Variants in EPHA6 observed in about 807,000 individuals in gnomAD.
EPHA6 encodes the protein ephrin type-A receptor 6.
In EPHA6, 50 loss-of-function variants were observed where a neutral mutation model predicts 112.0. The observed-to-expected ratio is 0.45, with a 90% CI of 0.36 to 0.56. The LOEUF (loss-of-function observed/expected upper bound fraction) is 0.56. Ranked by LOEUF, EPHA6 falls within the 20% of genes least tolerant of loss-of-function variation. The probability of loss-of-function intolerance (pLI) is 0.00; values close to 1 mark genes in which losing one functional copy is unlikely to be tolerated. For synonymous variants in EPHA6, 529 were observed against 490.7 expected (o/e 1.08, Z -1.03); for missense variants, 1,280 against 1,417.4 (o/e 0.90, Z 1.56).
At chr3:96,939,690 G>A (rs2040822681) in intron 2 of EPHA6, among the ~76,000 whole-genome samples, 1 of 152,112 alleles carries the variant, frequency 6.6e-6, no homozygotes, top group South Asian at 2.1e-4. Flanking sequence ...TTTTAATTGT[G>A]ATGTTAGGGT....
intron 5 of EPHA6, 111 bp downstream of exon 5, chr3:97,244,398 C>T (rs2078929966): frequency 2.3e-6 from 2 of 870,836 alleles, no homozygotes; most frequent in Admixed American, 2.2e-5. Flanking sequence ...ATACGTTATA[C>T]ACTGCAGAGG....
intron 11 of EPHA6, among the ~76,000 whole-genome samples, chr3:97,579,551 C>G (rs1481139208): frequency 1.3e-5 from 2 of 152,126 alleles, no homozygotes; most frequent in South Asian, 4.1e-4. Flanking sequence ...CTTTCCTCCC[C>G]CTCATTCTCC....
At chr3:97,548,434 G>A (rs963767507) in intron 11 of EPHA6, among the ~76,000 whole-genome samples, 1 of 152,062 alleles carries the variant, frequency 6.6e-6, no homozygotes, top group Non-Finnish European at 1.5e-5. Context: ...TATATATTTT[G>A]GGGAGGGATA....
intron 5 of EPHA6, among the ~76,000 whole-genome samples, chr3:97,263,754 G>T (rs1486653137): frequency 6.6e-6 from 1 of 152,042 alleles, no homozygotes; most frequent in Non-Finnish European, 1.5e-5. Context: ...GAAGAAAAAT[G>T]ATAAGATGAG....
intron 5 of EPHA6, among the ~76,000 whole-genome samples, chr3:97,325,211 A>C (rs1240652747): frequency 6.6e-6 from 1 of 152,140 alleles, no homozygotes; most frequent in Non-Finnish European, 1.5e-5. Context: ...GGGTTGCCGT[A>C]ATCAAGCACC....
At chr3:97,121,588 G>A (rs1288705166) in intron 3 of EPHA6, among the ~76,000 whole-genome samples, 1 of 152,048 alleles carries the variant, frequency 6.6e-6, no homozygotes, top group Non-Finnish European at 1.5e-5. Flanking sequence ...CCACTTGGCT[G>A]GGTGCCATTG....
intron 10 of EPHA6, among the ~76,000 whole-genome samples, chr3:97,514,806 G>A (rs971574001): frequency 2.0e-5 from 3 of 152,138 alleles, no homozygotes; most frequent in African/African-American, 7.2e-5. Context: ...GACCATGTGA[G>A]GACACAGTGA....
chr3:97,682,290 T>C (rs2031917849), intron 14 of EPHA6, among the ~76,000 whole-genome samples: 2 of 152,048 alleles, frequency 1.3e-5, no homozygotes, highest in Non-Finnish European at 2.9e-5. Flanking sequence ...TTTAAACAGG[T>C]TGAAGATGAG....
chr3:96,995,043 G>A (rs1037393706), intron 3 of EPHA6, among the ~76,000 whole-genome samples: 10 of 151,824 alleles, frequency 6.6e-5, no homozygotes, highest in African/African-American at 1.7e-4. Flanking sequence ...GGCAATTCTC[G>A]GACCATTGCA....
chr3:96,907,755 A>C (rs1394206280), intron 2 of EPHA6, among the ~76,000 whole-genome samples: 2 of 151,884 alleles, frequency 1.3e-5, no homozygotes, highest in African/African-American at 4.8e-5. Flanking sequence ...AATATGAAAA[A>C]ATAATTTACA....
chr3:97,027,823 T>C (rs186038992), intron 3 of EPHA6, among the ~76,000 whole-genome samples: 3 of 152,290 alleles, frequency 2.0e-5, no homozygotes, highest in Admixed American at 1.3e-4. Flanking sequence ...TATTAGGAAG[T>C]TGGAGTAAAT....
chr3:97,498,671 T>C (rs1055928916), intron 10 of EPHA6, among the ~76,000 whole-genome samples: 4 of 152,176 alleles, frequency 2.6e-5, no homozygotes, highest in Non-Finnish European at 4.4e-5. Context: ...ATAACAGTGG[T>C]CCTCAACCCC....
chr3:97,482,139 GA>G (rs71113856), intron 9 of EPHA6, among the ~76,000 whole-genome samples: 2 of 152,028 alleles, frequency 1.3e-5, no homozygotes, highest in Non-Finnish European at 2.9e-5. Flanking sequence ...ATGTTTATAA[GA>G]AAAAAATGTG....
intron 5 of EPHA6, among the ~76,000 whole-genome samples, chr3:97,292,196 A>C (rs958318428): frequency 6.6e-6 from 1 of 152,226 alleles, no homozygotes; most frequent in Admixed American, 6.5e-5. Context: ...GAAAGCTCGG[A>C]GATGCCAGGA....
At chr3:97,453,765 A>G (rs537657062) in intron 7 of EPHA6, among the ~76,000 whole-genome samples, 1 of 151,726 alleles carries the variant, frequency 6.6e-6, no homozygotes, top group Non-Finnish European at 1.5e-5. Flanking sequence ...ATATGTAAGA[A>G]ATTTGGTTTG....
intron 3 of EPHA6, among the ~76,000 whole-genome samples, chr3:96,989,393 T>A (rs1313390382): frequency 1.3e-5 from 2 of 152,218 alleles, no homozygotes; most frequent in African/African-American, 2.4e-5. Context: ...CATTAAAGTA[T>A]GTTTCATTCA....
chr3:97,641,491 G>T (rs532399892), intron 14 of EPHA6, among the ~76,000 whole-genome samples: 1 of 152,306 alleles, frequency 6.6e-6, no homozygotes, highest in South Asian at 2.1e-4. Flanking sequence ...CGTGAGCGAC[G>T]CAGAAGACGG....
intron 2 of EPHA6, among the ~76,000 whole-genome samples, chr3:96,968,388 G>GCA (rs148279577): frequency 0.16 from 23,383 of 143,450 alleles, 2,015 homozygotes; most frequent in Admixed American, 0.28. Flanking sequence ...AATGGTAAAA[G>GCA]CACACACACA....
chr3:97,219,191 C>T (rs2078120232), intron 3 of EPHA6, among the ~76,000 whole-genome samples: 2 of 151,950 alleles, frequency 1.3e-5, no homozygotes, highest in African/African-American at 4.8e-5. Flanking sequence ...TGCAGGCTGT[C>T]AGTGGTCTAC....
Sources: allele counts gnomAD v4.1 joint callset (sites outside exome capture counted in the v4.1 genomes callset), GRCh38; gene constraint gnomAD v4.1.1; transcripts MANE v1.5; gene names NCBI Gene and HGNC (gene_info 2026-07-23, HGNC 2026-07-21).